DAB2IP: variants seen among roughly 807,000 people sequenced by gnomAD.
DAB2IP encodes DAB2 interacting protein.
Under a neutral mutation model 107.2 loss-of-function variants are expected in DAB2IP, and 28 were observed. That is an observed-to-expected ratio of 0.26 (90% CI 0.19 to 0.36). The LOEUF (loss-of-function observed/expected upper bound fraction) is 0.36. DAB2IP is among the 10% of genes least tolerant of loss of function. The probability of loss-of-function intolerance (pLI) is 1.00; values close to 1 mark genes in which losing one functional copy is unlikely to be tolerated. For missense variants in DAB2IP, 1,400 were observed against 1,644.7 expected (o/e 0.85, Z 2.57); for synonymous variants, 755 against 706.4 (o/e 1.07, Z -1.09).
intron 3 of DAB2IP, among the ~76,000 whole-genome samples, chr9:121,724,429 G>A (rs1439200434): frequency 1.3e-5 from 2 of 152,148 alleles, no homozygotes; most frequent in African/African-American, 2.4e-5. Flanking sequence ...CAACCACCCG[G>A]TCAAACACAG....
chr9:121,749,446 C>T (rs1222212865), intron 3 of DAB2IP, among the ~76,000 whole-genome samples: 2 of 152,206 alleles, frequency 1.3e-5, no homozygotes, highest in Non-Finnish European at 2.9e-5. Flanking sequence ...TGCTGAAGTC[C>T]TGACTGCAGA....
chr9:121,713,864 G>A (rs1024015672), intron 3 of DAB2IP, among the ~76,000 whole-genome samples: 1 of 152,154 alleles, frequency 6.6e-6, no homozygotes. Context: ...CAAGCCACAC[G>A]GGGGCTCTCT....
At position 121,780,845 on chromosome 9, in the gene DAB2IP, C is replaced by T. The variant is rs529564240; in HGVS notation, c.3315-619C>T. 3.9e-5 allele frequency among the ~76,000 whole-genome samples: 6 copies of T among 152,320 alleles called. No homozygotes were observed. The South Asian group carries it at 8.3e-4, about 21-fold the overall frequency. On this transcript the variant is annotated intron_variant, in intron 14 of 15. Coordinates refer to ENST00000408936, the Ensembl canonical transcript of DAB2IP. ...CAGCTACTGCTCATTGTTCTGCCTG[C>T]ACACCTGTCCTTCAGATGTCTCCTA... is the stretch of plus-strand genomic sequence containing the variant.
rs892317493 is a variant in DAB2IP, at chr9:121,634,087, C to T, written c.41-44591C>T. On this transcript the variant is annotated intron_variant, in intron 1 of 16. Transcript: ENST00000259371. This position sits in a 1 kb window ranked among gnomAD's most constrained non-coding sequence, Gnocchi z 4.7. ...ACTGTCAGCTCTCTGAGGACAGGGA[C>T]TGTGTCAGAGCCCTCTCAGGACACA... Among the ~76,000 whole-genome samples, 3 of 152,212 alleles carry T rather than the reference C, an allele frequency of 2.0e-5. No homozygotes were observed. Among genetic ancestry groups the T allele is most frequent in the African/African-American group, 7.2e-5 (3 of 41,454 alleles).
chr9:121,712,409 G>C (rs960269978), intron 3 of DAB2IP, among the ~76,000 whole-genome samples: 1 of 152,200 alleles, frequency 6.6e-6, no homozygotes, highest in Non-Finnish European at 1.5e-5. Flanking sequence ...CAGCAGGTAA[G>C]AGCAATGAGG....
chr9:121,706,285 A>G (rs1282639597), intron 3 of DAB2IP, among the ~76,000 whole-genome samples: 1 of 152,146 alleles, frequency 6.6e-6, no homozygotes. Context: ...GACATGCCCA[A>G]GGCTTGGGCT....
intron 3 of DAB2IP, among the ~76,000 whole-genome samples, chr9:121,747,139 C>T (rs1272172161): frequency 6.6e-6 from 1 of 152,000 alleles, no homozygotes; most frequent in Non-Finnish European, 1.5e-5. Flanking sequence ...AGGTTGGGCT[C>T]TTTTCCTGGG....
intron 3 of DAB2IP, among the ~76,000 whole-genome samples, chr9:121,741,488 A>G (rs1476236610): frequency 1.3e-5 from 2 of 152,046 alleles, no homozygotes; most frequent in South Asian, 2.1e-4. Context: ...CTCACCCAGC[A>G]GACTTGCTTA....
At chr9:121,783,418 C>G in exon 16 of DAB2IP, 1 of 1,601,686 alleles carries the variant, frequency 6.2e-7, no homozygotes, top group Admixed American at 1.7e-5. Context: ...GGGAGTGCCA[C>G]CTGGTGCTCA....
rs963317201 is a variant in DAB2IP at position 121,776,336 on chromosome 9, C to T, written c.3259C>T (p.Arg1087Trp). ...GGCACGGCTGGAGGAGGGCGAGGAG[C>T]GGCTGCGGCGGCAGCAGGAGGACAA... is the stretch of plus-strand genomic sequence containing the variant. The change falls in exon 14 of 16, where the codon CGG (arginine) becomes TGG (tryptophan). Residue 1087 changes from arginine (R) to tryptophan (W), a missense_variant. Arg to Trp is a moderately radical substitution (Grantham distance 101). Coordinates refer to ENST00000408936, the Ensembl canonical transcript of DAB2IP. This position sits in a 1 kb window ranked among gnomAD's most constrained non-coding sequence, Gnocchi z 5.4. The T allele has an allele frequency of 5.1e-6, 8 of 1,554,904 alleles. No homozygotes were observed. The highest frequency in any genetic ancestry group is 4.1e-5 in the African/African-American group (3 of 73,324).
chr9:121,677,366 A>T (rs72770684), intron 1 of DAB2IP, among the ~76,000 whole-genome samples: 5,575 of 152,054 alleles, frequency 0.037, 145 homozygotes, highest in South Asian at 0.083. Context: ...AATTTTTTTT[A>T]AAAAAATTAG....
chr9:121,669,917 T>C (rs1399679808), intron 1 of DAB2IP, among the ~76,000 whole-genome samples: 1 of 152,182 alleles, frequency 6.6e-6, no homozygotes, highest in Admixed American at 6.5e-5. Context: ...TTATTCCAGA[T>C]CTTTCGTGTA....
intron 1 of DAB2IP, among the ~76,000 whole-genome samples, chr9:121,593,673 C>CTTTTTTTTTT (rs71370677): frequency 1.8e-5 from 2 of 110,930 alleles, no homozygotes; most frequent in Admixed American, 9.4e-5. Context: ...CTTTTTTTTT[C>CTTTTTTTTTT]TTTTTTTTTT....
chr9:121,737,262 C>A (rs1320761062), intron 3 of DAB2IP: 1 of 985,316 alleles, frequency 1.0e-6, no homozygotes, highest in African/African-American at 1.7e-5. Context: ...AGGAGTGTTT[C>A]TCGTCTTCTT....
intron 2 of DAB2IP, among the ~76,000 whole-genome samples, chr9:121,680,518 C>T (rs763204286): frequency 7.9e-5 from 12 of 152,054 alleles, no homozygotes; most frequent in African/African-American, 2.9e-4. Context: ...CTGCAGGGAG[C>T]GCTTGGAGGC....
chr9:121,635,206 A>G lies in DAB2IP; in HGVS notation c.41-43472A>G, dbSNP rs577250121. 6.6e-6 allele frequency among the ~76,000 whole-genome samples: 1 copy of G among 151,976 alleles called. No homozygotes were observed. Among genetic ancestry groups the G allele is most frequent in the Admixed American group, 6.6e-5 (1 of 15,264 alleles). ...GAGAGCCGTGTGTGGGGTCAAGGAGACCCTGGGGCTGTTCATTGGACAGCA... is the reference window on the plus strand; with the variant it reads ...GAGAGCCGTGTGTGGGGTCAAGGAGGCCCTGGGGCTGTTCATTGGACAGCA... On this transcript the variant is annotated intron_variant, in intron 1 of 16. Transcript: ENST00000259371. This position sits in a 1 kb window ranked among gnomAD's most constrained non-coding sequence, Gnocchi z 4.3.
intron 1 of DAB2IP, among the ~76,000 whole-genome samples, chr9:121,621,984 C>CTTTTTTTTTT (rs1202929145): frequency 6.3e-4 from 63 of 99,708 alleles, no homozygotes; most frequent in African/African-American, 7.7e-4. Flanking sequence ...TTTTTTCTTT[C>CTTTTTTTTTT]TTTTTTTTTT....
rs148025228 is a variant in DAB2IP, at chr9:121,735,258, G to A, written c.363-21755G>A. Among the ~76,000 whole-genome samples, 67 of 152,256 alleles carry A rather than the reference G, an allele frequency of 4.4e-4. No homozygotes were observed. In the East Asian group the frequency reaches 0.012, roughly 26 times the overall value. On this transcript the variant is annotated intron_variant, in intron 3 of 15. Transcript: ENST00000408936. ...TGGGCAGACGGGGTGGTGTTGGATCGCCTGGCCTGTGTGCACGGCAGAGCT... is the reference window on the plus strand; with the variant it reads ...TGGGCAGACGGGGTGGTGTTGGATCACCTGGCCTGTGTGCACGGCAGAGCT...
At chr9:121,693,931 C>A (rs1308644326) in intron 2 of DAB2IP, among the ~76,000 whole-genome samples, 1 of 152,140 alleles carries the variant, frequency 6.6e-6, no homozygotes, top group African/African-American at 2.4e-5. Context: ...GTCCAGGTGG[C>A]GGTGCTGAAA....
Sources: gnomAD v4.1 joint callset for allele counts (sites outside exome capture counted in the v4.1 genomes callset) on GRCh38, gnomAD v4.1.1 for gene constraint, Gnocchi (gnomAD v3.1) non-coding constraint, MANE v1.5 for transcripts, NCBI Gene and HGNC (gene_info 2026-07-23, HGNC 2026-07-21) for gene names.